ZRANB3: variants seen among roughly 807,000 people sequenced by gnomAD.
ZRANB3 encodes the protein zinc finger RANBP2-type containing 3.
In ZRANB3, 125 loss-of-function variants were observed where a neutral mutation model predicts 133.8. The ratio of observed to expected loss-of-function variants is 0.93; its 90% CI spans 0.81 to 1.08. The LOEUF is 1.08. Ranked by LOEUF, ZRANB3 falls within the 50% of genes least tolerant of loss-of-function variation. ZRANB3 has a pLI of 0.00. For missense variants in ZRANB3, 1,229 were observed against 1,275.5 expected (o/e 0.96, Z 0.56); for synonymous variants, 387 against 432.7 (o/e 0.89, Z 1.31).
At chr2:135,466,494 T>C (rs558089076) in intron 2 of ZRANB3, among the ~76,000 whole-genome samples, 22 of 150,708 alleles carry the variant, frequency 1.5e-4, no homozygotes, top group African/African-American at 5.4e-4. Flanking sequence ...GGAAGCATGG[T>C]GTGGTGGAAA....
intron 2 of ZRANB3, among the ~76,000 whole-genome samples, chr2:135,471,669 T>G (rs1691277761): frequency 6.6e-6 from 1 of 152,202 alleles, no homozygotes; most frequent in African/African-American, 2.4e-5. Context: ...CCATGGCTAC[T>G]AAAGATAAGT....
At chr2:135,413,494 C>T (rs145955521) in intron 2 of ZRANB3, among the ~76,000 whole-genome samples, 2 of 152,296 alleles carry the variant, frequency 1.3e-5, no homozygotes, top group Non-Finnish European at 2.9e-5. Flanking sequence ...TTACTGACAA[C>T]AGCAACAAAG....
chr2:135,403,527 C>A (rs997933062), intron 2 of ZRANB3, among the ~76,000 whole-genome samples: 8 of 152,232 alleles, frequency 5.3e-5, no homozygotes, highest in Non-Finnish European at 1.2e-4. Context: ...ACCTCCGGGG[C>A]AGGGCATTGC....
At chr2:135,526,229 T>C (rs77364177) in intron 1 of ZRANB3, among the ~76,000 whole-genome samples, 5,462 of 147,910 alleles carry the variant, frequency 0.037, 194 homozygotes, top group South Asian at 0.16. Context: ...AATGGCACTA[T>C]CTCGGCTCAC....
At chr2:135,311,248 A>G (rs2104821298) in intron 8 of ZRANB3, among the ~76,000 whole-genome samples, 1 of 152,344 alleles carries the variant, frequency 6.6e-6, no homozygotes, top group Non-Finnish European at 1.5e-5. Context: ...AAGAAAAATT[A>G]AAAGCACGAT....
At position 135,348,366 on chromosome 2, in the gene ZRANB3, G is replaced by GA. The variant is rs113242629; in HGVS notation, c.591+1617dup. On this transcript the variant is annotated intron_variant, in intron 5 of 20. Coordinates refer to ENST00000264159, the MANE Select transcript of ZRANB3 (RefSeq NM_032143.4). ...TTCTAATTTTATATTCTTTTTCTTA[G>GA]AAAAAAATCCCAAACACAAATTATA... is the stretch of plus-strand genomic sequence containing the variant. Among the ~76,000 whole-genome samples the GA allele has an allele frequency of 3.0e-3, 450 of 151,618 alleles. 3 individuals carry two copies. The highest frequency in any genetic ancestry group is 0.01 in the African/African-American group (419 of 41,350).
At chr2:135,211,210 C>T (rs1694084924) in intron 17 of ZRANB3, among the ~76,000 whole-genome samples, 1 of 151,970 alleles carries the variant, frequency 6.6e-6, no homozygotes, top group Admixed American at 6.6e-5. Context: ...GCTGTACAAC[C>T]ATCATCACTA....
chr2:135,391,398 A>C lies in ZRANB3; in HGVS notation c.162-578T>G, dbSNP rs184519852. ...CAATGACCCTTCAAAAACGTGAGCAAAGTGGTAAGTGATTGTACCAATGAC... is the reference window on the plus strand; with the variant it reads ...CAATGACCCTTCAAAAACGTGAGCACAGTGGTAAGTGATTGTACCAATGAC... On this transcript the variant is annotated intron_variant, in intron 2 of 20. Transcript: ENST00000264159. Among the ~76,000 whole-genome samples the C allele has an allele frequency of 3.3e-5, 5 of 152,270 alleles. No individual in the cohort carries two copies. In the East Asian group the frequency reaches 9.7e-4, roughly 29 times the overall value.
Position 135,265,535 on chromosome 2 carries a change from T to C in ZRANB3, c.1538A>G (p.His513Arg). 2 of 1,612,024 alleles carry C rather than the reference T, an allele frequency of 1.2e-6. No homozygotes were observed. Among genetic ancestry groups the C allele is most frequent in the Non-Finnish European group, 1.7e-6 (2 of 1,179,144 alleles). The part of the protein sequence containing the change: ...EELRKEALFT[H>R]FEKEKQHDIR... ...AAAGAGTAAGGCATATAATCTTACG[T>C]GAGTGAACAAAGCTTCCTTCCTTAA... The change falls in exon 12 of 21, where the codon CAC (histidine) becomes CGC (arginine). Residue 513 changes from histidine to arginine, a missense_variant and splice_region_variant. By Grantham distance (29) the His-to-Arg change is conservative. Coordinates refer to ENST00000264159, the MANE Select transcript of ZRANB3 (RefSeq NM_032143.4).
intron 2 of ZRANB3, among the ~76,000 whole-genome samples, chr2:135,470,098 G>A (rs1382286024): frequency 1.3e-5 from 2 of 151,334 alleles, no homozygotes; most frequent in South Asian, 2.1e-4. Flanking sequence ...ACTGAGGCAG[G>A]CAGATCACCT....
chr2:135,230,884 G>A lies in ZRANB3; in HGVS notation c.1583C>T (p.Pro528Leu), dbSNP rs1352476022. The A allele has an allele frequency of 1.9e-6, 3 of 1,582,976 alleles. No individual in the cohort carries two copies. Among genetic ancestry groups the A allele is most frequent in the Non-Finnish European group, 2.6e-6 (3 of 1,167,610 alleles). The stretch of plus-strand genomic sequence containing the variant: ...CATCAACTGTCTTTTTTTAGGTTGT[G>A]GTACAAAAAATGATCGAATATCATG... The part of the protein sequence containing the change: ...KQHDIRSFFV[P>L]QPKKRQLMTS... The change falls in exon 13 of 21, where the codon CCA (proline) becomes CTA (leucine). Residue 528 changes from proline to leucine, a missense_variant. Physicochemically the swap from Pro to Leu is moderately conservative, Grantham distance 98. Coordinates refer to ENST00000264159, the MANE Select transcript of ZRANB3 (RefSeq NM_032143.4).
At chr2:135,507,310 G>T (rs1364290658) in intron 1 of ZRANB3, among the ~76,000 whole-genome samples, 1 of 152,300 alleles carries the variant, frequency 6.6e-6, no homozygotes, top group East Asian at 1.9e-4. Context: ...TGTTGGGTAT[G>T]CTTGAAAATA....
At chr2:135,506,435 G>A (rs1693193362) in intron 1 of ZRANB3, among the ~76,000 whole-genome samples, 1 of 151,956 alleles carries the variant, frequency 6.6e-6, no homozygotes, top group African/African-American at 2.4e-5. Context: ...ATCCAAAGGA[G>A]GGAACGGTGT....
intron 2 of ZRANB3, among the ~76,000 whole-genome samples, chr2:135,493,705 T>C (rs1471267846): frequency 6.6e-6 from 1 of 152,164 alleles, no homozygotes; most frequent in Non-Finnish European, 1.5e-5. Flanking sequence ...AGAACTCTCA[T>C]ATATTGTTGA....
At chr2:135,486,257 C>T (rs1349644729) in intron 2 of ZRANB3, among the ~76,000 whole-genome samples, 1 of 152,160 alleles carries the variant, frequency 6.6e-6, no homozygotes, top group Non-Finnish European at 1.5e-5. Context: ...CAATACTCTC[C>T]AACCTGCTGA....
intron 2 of ZRANB3, among the ~76,000 whole-genome samples, chr2:135,472,144 C>T (rs1237164193): frequency 6.6e-6 from 1 of 152,154 alleles, no homozygotes; most frequent in East Asian, 1.9e-4. Context: ...TCATAGATAA[C>T]CTCATAGTAT....
At chr2:135,342,718 G>C (rs183056847) in intron 6 of ZRANB3, among the ~76,000 whole-genome samples, 1 of 149,522 alleles carries the variant, frequency 6.7e-6, no homozygotes, top group Non-Finnish European at 1.5e-5. Flanking sequence ...GTACAGGTAA[G>C]CTGTGGTAAT....
chr2:135,415,612 T>C (rs1302538114), intron 2 of ZRANB3, among the ~76,000 whole-genome samples: 1 of 152,110 alleles, frequency 6.6e-6, no homozygotes, highest in East Asian at 1.9e-4. Context: ...TTTTATGAGG[T>C]CAGCATCATC....
rs574020507 is a variant in ZRANB3 at position 135,407,610 on chromosome 2, A to G, written c.162-16790T>C. 4.4e-3 allele frequency among the ~76,000 whole-genome samples: 666 copies of G among 151,114 alleles called. 3 individuals are homozygous for G. The highest frequency in any genetic ancestry group is 0.015 in the African/African-American group (619 of 40,586). ...ACAGTAACCAAAACAGCATGGTACT[A>G]GTACCAAAACAGAGATATAGACCAA... On this transcript the variant is annotated intron_variant, in intron 2 of 20. Transcript: ENST00000264159.
Sources: allele counts gnomAD v4.1 joint callset (sites outside exome capture counted in the v4.1 genomes callset), GRCh38; gene constraint gnomAD v4.1.1; transcripts MANE v1.5; gene names NCBI Gene and HGNC (gene_info 2026-07-23, HGNC 2026-07-21).